Variants in ZBTB5 observed in about 807,000 individuals in gnomAD.
ZBTB5 encodes zinc finger and BTB domain containing 5, also known as zinc finger and BTB domain-containing protein 5.
Under a neutral mutation model 37.9 loss-of-function variants are expected in ZBTB5, and 15 were observed. The observed-to-expected ratio is 0.40, with a 90% CI of 0.26 to 0.61. The LOEUF (loss-of-function observed/expected upper bound fraction) is 0.61. Ranked by LOEUF, ZBTB5 falls within the 20% of genes least tolerant of loss-of-function variation. ZBTB5 has a pLI of 0.47. For missense variants in ZBTB5, 708 were observed against 856.8 expected (o/e 0.83, Z 2.17); for synonymous variants, 315 against 312.4 (o/e 1.01, Z -0.09).
chr9:37,462,699 G>C (rs1456028641), intron 1 of ZBTB5, among the ~76,000 whole-genome samples: 1 of 151,974 alleles, frequency 6.6e-6, no homozygotes, highest in Non-Finnish European at 1.5e-5. Flanking sequence ...GAGTAGCTGG[G>C]ATTACAGGCG....
In ZBTB5 at chr9:37,439,869, C is replaced by G. The variant is rs904422036; in HGVS notation, c.*649G>C. The G allele has an allele frequency of 2.0e-5, 3 of 152,800 alleles. No individual in the cohort carries two copies. The highest frequency in any genetic ancestry group is 6.5e-5 in the Admixed American group (1 of 15,286). The allele number at this position is 152,800 out of a possible 1,614,324, so 9.5% of individuals were successfully genotyped here. ...AAACCAGAAAAAACTGTTAAAACATCTATCCAACAGTGATGTATTCAAAAG... is the reference window on the plus strand; with the variant it reads ...AAACCAGAAAAAACTGTTAAAACATGTATCCAACAGTGATGTATTCAAAAG... On this transcript the variant is annotated 3_prime_UTR_variant, in exon 2 of 2. Transcript: ENST00000307750.
At chr9:37,461,087 T>G (rs1263790685) in intron 1 of ZBTB5, among the ~76,000 whole-genome samples, 1 of 152,202 alleles carries the variant, frequency 6.6e-6, no homozygotes, top group African/African-American at 2.4e-5. Flanking sequence ...GCAAGTGACC[T>G]TCACTTGACC....
intron 1 of ZBTB5, among the ~76,000 whole-genome samples, chr9:37,444,387 C>G (rs1257250090): frequency 6.6e-6 from 1 of 152,054 alleles, no homozygotes; most frequent in Non-Finnish European, 1.5e-5. Flanking sequence ...TTAGTAGAGA[C>G]AGGGGTTTTA....
chr9:37,460,206 G>A (rs1218069667), intron 1 of ZBTB5, among the ~76,000 whole-genome samples: 12 of 150,552 alleles, frequency 8.0e-5, no homozygotes, highest in Non-Finnish European at 1.3e-4. Flanking sequence ...GGGAGGCCGA[G>A]GCGGGTGGAT....
At chr9:37,447,810 T>C (rs1320079821) in intron 1 of ZBTB5, among the ~76,000 whole-genome samples, 1 of 145,862 alleles carries the variant, frequency 6.9e-6, no homozygotes, top group East Asian at 1.9e-4. Flanking sequence ...AATGCTTCTT[T>C]TTTTTTTTTT....
Position 37,442,051 on chromosome 9 carries a change from C to G in ZBTB5, c.501G>C (p.Gln167His). ...ALNSSQNGEE[Q>H]PAPMSSSMRS... ...GCATGGAAGAGCTCATGGGGGCTGG[C>G]TGCTCCTCGCCATTCTGGCTGGAAT... The change falls in exon 2 of 2, where the codon CAG (glutamine) becomes CAC (histidine). Residue 167 changes from glutamine to histidine, a missense_variant. By Grantham distance (24) the Gln-to-His change is conservative. This residue lies in a region of ZBTB5 where 639 missense variants were observed against 690.5 expected (regional missense o/e 0.93). Transcript: ENST00000307750. The G allele has an allele frequency of 6.2e-7, 1 of 1,613,866 alleles. No homozygotes were observed. Among genetic ancestry groups the G allele is most frequent in the Non-Finnish European group, 8.5e-7 (1 of 1,180,042 alleles).
At chr9:37,460,293 CG>C (rs1824266548) in intron 1 of ZBTB5, among the ~76,000 whole-genome samples, 1 of 151,952 alleles carries the variant, frequency 6.6e-6, no homozygotes, top group Non-Finnish European at 1.5e-5. Context: ...AAAAATTAGC[CG>C]GGCATGGTGG....
chr9:37,457,753 C>G (rs1824217943), intron 1 of ZBTB5, among the ~76,000 whole-genome samples: 1 of 152,200 alleles, frequency 6.6e-6, no homozygotes, highest in Non-Finnish European at 1.5e-5. Context: ...GCGTTGACAA[C>G]AGAGCTAGGT....
chr9:37,444,284 C>T (rs1823936805), intron 1 of ZBTB5, among the ~76,000 whole-genome samples: 2 of 152,230 alleles, frequency 1.3e-5, no homozygotes, highest in Admixed American at 6.5e-5. Context: ...CTGCAACCTC[C>T]GCCTCCCGGG....
chr9:37,458,201 A>C (rs1443698669), intron 1 of ZBTB5, among the ~76,000 whole-genome samples: 1 of 152,258 alleles, frequency 6.6e-6, no homozygotes, highest in Non-Finnish European at 1.5e-5. Context: ...AGAATGCCAA[A>C]CATCTGTGCT....
Position 37,440,268 on chromosome 9 carries a change from A to G in ZBTB5, c.*250T>C, listed in dbSNP as rs1259850326. On this transcript the variant is annotated 3_prime_UTR_variant, in exon 2 of 2. Coordinates refer to ENST00000307750, the MANE Select transcript of ZBTB5 (RefSeq NM_014872.3). ...CCACTTTTAATATCAATTACAAACT[A>G]CTTTCTGACTGCATTACTCAACCCC... 8.4e-6 allele frequency: 4 copies of G among 474,944 alleles called. No individual in the cohort carries two copies. The highest frequency in any genetic ancestry group is 1.5e-5 in the Non-Finnish European group (4 of 269,368). The allele number at this position is 474,944 out of a possible 1,614,324, so 29.4% of individuals were successfully genotyped here.
Position 37,440,998 on chromosome 9 carries a change from G to A in ZBTB5, c.1554C>T (p.Ser518=). ...RSGLGLHSSF[S]RVMIGSPRGG... is the part of the protein sequence containing the mutation. ...CCCTTGGGGAACCTATCATTACCCT[G>A]GAGAAGGAGGAGTGGAGGCCCAAAC... Residue 518 remains serine, a synonymous_variant, in exon 2 of 2, where the codon TCC becomes TCT. Coordinates refer to ENST00000307750, the MANE Select transcript of ZBTB5 (RefSeq NM_014872.3). 6.2e-7 allele frequency: 1 copy of A among 1,614,164 alleles called. No individual in the cohort carries two copies. The highest frequency in any genetic ancestry group is 8.5e-7 in the Non-Finnish European group (1 of 1,180,020).
intron 1 of ZBTB5, among the ~76,000 whole-genome samples, chr9:37,448,936 G>A (rs1175444235): frequency 1.3e-5 from 2 of 151,406 alleles, no homozygotes; most frequent in African/African-American, 2.4e-5. Flanking sequence ...CCCAGCTACT[G>A]GGGAGGCTGA....
chr9:37,457,576 G>C (rs148353045), intron 1 of ZBTB5, among the ~76,000 whole-genome samples: 2,132 of 152,324 alleles, frequency 0.014, 26 homozygotes, highest in Non-Finnish European at 0.025. Flanking sequence ...AAGCGCTGTG[G>C]AGCATAGATT....
rs200282393 is a variant in ZBTB5 at position 37,451,006 on chromosome 9, C to CCG, written c.-4-8453_-4-8452dup. Reference sequence around the variant, plus strand: ...GAACCTGGGCAACATGGTGAGACCCCCGTCTCTACCAAAAATACAAAAAAA... The same window carrying CCG: ...GAACCTGGGCAACATGGTGAGACCCCCGCGTCTCTACCAAAAATACAAAAAAA... On this transcript the variant is annotated intron_variant, in intron 1 of 1. Transcript: ENST00000307750. Among the ~76,000 whole-genome samples, 756 of 152,054 alleles carry CCG rather than the reference C, an allele frequency of 5.0e-3. 3 individuals are homozygous for CCG. The highest frequency in any genetic ancestry group is 0.017 in the African/African-American group (720 of 41,456).
At chr9:37,458,531 G>T (rs1824232671) in intron 1 of ZBTB5, among the ~76,000 whole-genome samples, 1 of 152,142 alleles carries the variant, frequency 6.6e-6, no homozygotes, top group Non-Finnish European at 1.5e-5. Flanking sequence ...AATGAAACAA[G>T]CCTGTTATTT....
At position 37,439,430 on chromosome 9, in the gene ZBTB5, ATAAAATTTAGGGTCTGTACTGT is replaced by A. The variant is rs1823811529; in HGVS notation, c.*1066_*1087del. ...TATCAGATTGGGGGAGCAACAAATA[ATAAAATTTAGGGTCTGTACTGT>A]TAAAAGTATAGTATATAACAGTAAT... is the stretch of plus-strand genomic sequence containing the variant. On this transcript the variant is annotated 3_prime_UTR_variant, in exon 2 of 2. Transcript: ENST00000307750. 6.6e-6 allele frequency: 1 copy of A among 152,238 alleles called. No individual in the cohort carries two copies. The highest frequency in any genetic ancestry group is 1.9e-4 in the East Asian group (1 of 5,200). 9.4% of individuals were successfully genotyped at this position (152,238 alleles called of 1,614,324 possible). A position where few individuals can be genotyped will look rare whatever the true frequency, so the allele number is the denominator to read the frequency against.
rs67502719 is a variant in ZBTB5 at position 37,451,555 on chromosome 9, C to CAAAAAAAAAAAAAA, written c.-4-9014_-4-9001dup. Among the ~76,000 whole-genome samples, 55 of 72,736 alleles carry CAAAAAAAAAAAAAA rather than the reference C, an allele frequency of 7.6e-4. 1 individual carries two copies. The highest frequency in any genetic ancestry group is 2.7e-3 in the African/African-American group (50 of 18,642). The allele number at this position is 72,736 out of a possible 152,430, so 47.7% of individuals were successfully genotyped here. The stretch of plus-strand genomic sequence containing the variant: ...CCTGGGTGACAGAGTGAGACTATCT[C>CAAAAAAAAAAAAAA]AAAAAAAAAAAAAAAAAAAAAAGAC... On this transcript the variant is annotated intron_variant, in intron 1 of 1. Coordinates refer to ENST00000307750, the MANE Select transcript of ZBTB5 (RefSeq NM_014872.3).
Position 37,441,628 on chromosome 9 carries a change from ACTT to A in ZBTB5, c.921_923del (p.Lys307_Ser308delinsAsn), listed in dbSNP as rs1410369725. 6.2e-7 allele frequency: 1 copy of A among 1,613,370 alleles called. No homozygotes were observed. Among genetic ancestry groups the A allele is most frequent in the African/African-American group, 1.3e-5 (1 of 74,776 alleles). On this transcript the variant is annotated inframe_deletion, in exon 2 of 2. Coordinates refer to ENST00000307750, the MANE Select transcript of ZBTB5 (RefSeq NM_014872.3). Reference sequence around the variant, plus strand: ...CCTCAGGGTTTTCACACTGAAAACTACTTTTCTCAGGTGCAGCTTCCTGATCAA... The same window carrying A: ...CCTCAGGGTTTTCACACTGAAAACTATTCTCAGGTGCAGCTTCCTGATCAA...
Sources: gnomAD v4.1 joint callset for allele counts (sites outside exome capture counted in the v4.1 genomes callset) on GRCh38, gnomAD v4.1.1 for gene constraint, gnomAD v4.1.1 regional missense constraint, MANE v1.5 for transcripts, NCBI Gene and HGNC (gene_info 2026-07-23, HGNC 2026-07-21) for gene names.